Variants in FHL5 observed in about 807,000 individuals in gnomAD.
FHL5 encodes the protein four and a half LIM domains protein 5.
Under a neutral mutation model 32.0 loss-of-function variants are expected in FHL5, and 33 were observed. The observed-to-expected ratio is 1.03, with a 90% CI of 0.78 to 1.38. FHL5 has a LOEUF of 1.38. FHL5 is among the 40% of genes most tolerant of loss of function. The pLI, the probability that FHL5 is intolerant of heterozygous loss-of-function variation, is 0.00. For missense variants in FHL5, 336 were observed against 343.9 expected, an observed-to-expected ratio of 0.98 and a Z score of 0.18; for synonymous variants, 114 against 113.6, an observed-to-expected ratio of 1.00 and a Z score of -0.02.
chr6:96,577,240 C>G (rs1339340595), intron 1 of FHL5, among the ~76,000 whole-genome samples: 1 of 152,208 alleles, frequency 6.6e-6, no homozygotes, highest in African/African-American at 2.4e-5. Context: ...CACCAAAGCA[C>G]AGGATACAGC....
intron 5 of FHL5, among the ~76,000 whole-genome samples, chr6:96,612,744 C>CT (rs1054653020): frequency 2.6e-5 from 4 of 151,996 alleles, no homozygotes; most frequent in East Asian, 1.9e-4. Context: ...CTATCTTAAT[C>CT]TTTTTTTTAA....
chr6:96,582,986 T>C (rs1180643871), intron 1 of FHL5, among the ~76,000 whole-genome samples: 1 of 152,172 alleles, frequency 6.6e-6, no homozygotes, highest in African/African-American at 2.4e-5. Flanking sequence ...AGTGGGATCA[T>C]AAGCAATTAA....
At chr6:96,563,098 A>C (rs1490139194), upstream of FHL5, 1 of 152,158 alleles carries the variant, frequency 6.6e-6, no homozygotes, top group Admixed American at 6.6e-5. Context: ...AGTTTTAAGT[A>C]AAAATTGACA....
At chr6:96,604,141 G>T (rs941738504) in intron 2 of FHL5, among the ~76,000 whole-genome samples, 2 of 152,098 alleles carry the variant, frequency 1.3e-5, no homozygotes, top group South Asian at 2.1e-4. Context: ...AATTGAAGTT[G>T]AAAGGATTCA....
At chr6:96,601,400 A>T (rs984302239) in intron 1 of FHL5, among the ~76,000 whole-genome samples, 6 of 152,190 alleles carry the variant, frequency 3.9e-5, no homozygotes, top group African/African-American at 9.6e-5. Flanking sequence ...CTGTGGATCC[A>T]GGCCTGTTAT....
chr6:96,583,237 T>G (rs1008649772), intron 1 of FHL5, among the ~76,000 whole-genome samples: 2 of 152,162 alleles, frequency 1.3e-5, no homozygotes, highest in African/African-American at 4.8e-5. Flanking sequence ...AAAATGAAAT[T>G]CTAAAAGTAG....
At chr6:96,612,671 A>G (rs1283664126) in intron 5 of FHL5, among the ~76,000 whole-genome samples, 2 of 152,200 alleles carry the variant, frequency 1.3e-5, no homozygotes, top group Non-Finnish European at 2.9e-5. Context: ...AATTTTACCC[A>G]AAAGTAATCT....
chr6:96,603,584 T>C lies in FHL5; in HGVS notation c.-12-18T>C. 6.3e-7 allele frequency: 1 copy of C among 1,589,968 alleles called. No homozygotes were observed. Among genetic ancestry groups the C allele is most frequent in the Non-Finnish European group, 8.6e-7 (1 of 1,165,060 alleles). ...AAAATTCTGCTTTTATATACATTAATCACTTTGTCATTCATAGGATCAAAC... is the reference window on the plus strand; with the variant it reads ...AAAATTCTGCTTTTATATACATTAACCACTTTGTCATTCATAGGATCAAAC... On this transcript the variant is annotated intron_variant, in intron 1 of 5. Coordinates refer to ENST00000450218, the MANE Select transcript of FHL5 (RefSeq NM_001322466.2).
chr6:96,608,780 A>G (rs1163678393), intron 4 of FHL5, among the ~76,000 whole-genome samples: 8 of 152,216 alleles, frequency 5.3e-5, no homozygotes, highest in Non-Finnish European at 1.0e-4. Flanking sequence ...AAGCTTAGAT[A>G]TTAGACTTTA....
At chr6:96,575,640 T>A (rs996837040) in intron 1 of FHL5, among the ~76,000 whole-genome samples, 2 of 152,142 alleles carry the variant, frequency 1.3e-5, no homozygotes, top group Non-Finnish European at 2.9e-5. Context: ...AAGTCACTCC[T>A]CAAGTGGCAT....
chr6:96,567,825 CTT>C (rs757441385), intron 1 of FHL5, among the ~76,000 whole-genome samples: 9 of 110,530 alleles, frequency 8.1e-5, no homozygotes, highest in South Asian at 3.0e-4. Flanking sequence ...TTTTTGTATT[CTT>C]TTTTTTTTTT....
chr6:96,610,016 T>C (rs1771365448), intron 4 of FHL5, among the ~76,000 whole-genome samples: 1 of 152,210 alleles, frequency 6.6e-6, no homozygotes, highest in Non-Finnish European at 1.5e-5. Flanking sequence ...TGCTTACCAA[T>C]TCCATTCAGA....
At chr6:96,604,681 G>C in intron 2 of FHL5, 69 bp from the exon 3 acceptor site, 2 of 1,316,312 alleles carry the variant, frequency 1.5e-6, no homozygotes, top group Non-Finnish European at 2.1e-6. Context: ...GGAGTGTTCA[G>C]TTTTGTTTCA....
rs1388662332 is a variant in FHL5, at chr6:96,606,081, TA to T, written c.504+13del. The T allele has an allele frequency of 6.2e-7, 1 of 1,611,418 alleles. No individual in the cohort carries two copies. Among genetic ancestry groups the T allele is most frequent in the Non-Finnish European group, 8.5e-7 (1 of 1,177,874 alleles). Reference sequence around the variant, plus strand: ...CAACTTTTGTAAGAAGGTAATTTTCTAAAGAGGGTGAAGCTTGTGGAAACTC... The same window carrying T: ...CAACTTTTGTAAGAAGGTAATTTTCTAAGAGGGTGAAGCTTGTGGAAACTC... On this transcript the variant is annotated intron_variant, in intron 4 of 5. Transcript: ENST00000450218.
At chr6:96,563,458 C>G (rs987689637) in intron 1 of FHL5, 103 bp downstream of exon 1, 2 of 151,934 alleles carry the variant, frequency 1.3e-5, no homozygotes, top group African/African-American at 4.8e-5. Flanking sequence ...TTTCCAGTAA[C>G]TACTTAAGAG....
In FHL5 at chr6:96,615,682, C is replaced by T; in HGVS notation, c.765C>T (p.Cys255=). 1 of 1,613,214 alleles carries T rather than the reference C, an allele frequency of 6.2e-7. No individual in the cohort carries two copies. The highest frequency in any genetic ancestry group is 1.3e-5 in the African/African-American group (1 of 75,000). ...GCGAATGCTTTAACTGCGGGAAATG[C>T]TCTGTCTCCTTGGTGGGTAAAGGCT... The part of the protein sequence containing the change: ...WHSECFNCGK[C]SVSLVGKGFL... Residue 255 remains cysteine, a synonymous_variant, in exon 6 of 6, where the codon TGC becomes TGT. Coordinates refer to ENST00000450218, the MANE Select transcript of FHL5 (RefSeq NM_001322466.2).
intron 1 of FHL5, among the ~76,000 whole-genome samples, chr6:96,581,600 C>T (rs1318900486): frequency 1.3e-5 from 2 of 152,130 alleles, no homozygotes; most frequent in African/African-American, 4.8e-5. Flanking sequence ...GATAAGCTTG[C>T]ACTTGCCATT....
At chr6:96,588,934 A>T (rs868768434) in intron 1 of FHL5, among the ~76,000 whole-genome samples, 35 of 151,810 alleles carry the variant, frequency 2.3e-4, no homozygotes, top group Admixed American at 6.6e-4. Context: ...CATATTTTTT[A>T]AAAAAATTTT....
intron 1 of FHL5, among the ~76,000 whole-genome samples, chr6:96,590,923 A>G (rs939476130): frequency 3.9e-5 from 6 of 152,078 alleles, no homozygotes; most frequent in African/African-American, 1.4e-4. Flanking sequence ...GGCATTCCTA[A>G]AATGAAATCA....
Sources: allele counts gnomAD v4.1 joint callset (sites outside exome capture counted in the v4.1 genomes callset), GRCh38; gene constraint gnomAD v4.1.1; transcripts MANE v1.5; gene names NCBI Gene and HGNC (gene_info 2026-07-23, HGNC 2026-07-21).